The following ABHD14A variants were observed in gnomAD, a reference collection of about 807,000 sequenced individuals.
ABHD14A encodes abhydrolase domain containing 14A, also known as protein ABHD14A.
In ABHD14A, 19 loss-of-function variants were observed where a neutral mutation model predicts 27.0. That is an observed-to-expected ratio of 0.70 (90% CI 0.49 to 1.03). ABHD14A has a LOEUF of 1.03. Ranked by LOEUF, ABHD14A falls within the 50% of genes least tolerant of loss-of-function variation. ABHD14A has a pLI of 0.00. For missense variants in ABHD14A, 311 were observed against 344.6 expected (o/e 0.90, Z 0.77); for synonymous variants, 148 against 158.8 (o/e 0.93, Z 0.51).
intron 1 of ABHD14A, among the ~76,000 whole-genome samples, chr3:51,977,578 C>T (rs768960975): frequency 6.6e-6 from 1 of 152,238 alleles, no homozygotes; most frequent in Non-Finnish European, 1.5e-5. Context: ...GTCATAAGCG[C>T]TTGATGAACG....
rs961862581 is a variant in ABHD14A, at chr3:51,981,130, A to T, written c.*112A>T. 3.3e-6 allele frequency: 4 copies of T among 1,213,936 alleles called. No individual in the cohort carries two copies. Among genetic ancestry groups the T allele is most frequent in the African/African-American group, 3.2e-5 (2 of 63,300 alleles). The allele number at this position is 1,213,936 out of a possible 1,614,324, so 75.2% of individuals were successfully genotyped here. On this transcript the variant is annotated 3_prime_UTR_variant, in exon 5 of 5. Coordinates refer to ENST00000273596, the MANE Select transcript of ABHD14A (RefSeq NM_015407.5). ...ATTGGAGGCCAGAGGCCAGGGTCAG[A>T]CCCAGCCAGGACTCCTCATTTCATC...
intron 2 of ABHD14A, 62 bp downstream of exon 2, chr3:51,978,144 C>A: frequency 1.3e-6 from 2 of 1,559,834 alleles, no homozygotes; most frequent in South Asian, 1.2e-5. Flanking sequence ...CTGTGTGGGA[C>A]CCCCATTATA....
intron 2 of ABHD14A, 70 bp from the exon 3 acceptor site, chr3:51,978,189 G>T: frequency 6.5e-7 from 1 of 1,527,792 alleles, no homozygotes; most frequent in South Asian, 1.2e-5. Context: ...GGCAATGGGA[G>T]AAGCCTAGGA....
rs1426324340 is a variant in ABHD14A at position 51,977,967 on chromosome 3, C to T, written c.166C>T (p.Pro56Ser). 2 of 1,614,008 alleles carry T rather than the reference C, an allele frequency of 1.2e-6. No homozygotes were observed. The highest frequency in any genetic ancestry group is 1.3e-5 in the African/African-American group (1 of 74,954). The change falls in exon 2 of 5, where the codon CCT (proline) becomes TCT (serine). Residue 56 changes from proline (P) to serine (S), a missense_variant. By Grantham distance (74) the Pro-to-Ser change is moderately conservative (BLOSUM62 -1). Transcript: ENST00000273596. ...ACTGTATGTGGGGCTGCCAGGCCCCCCTGAGCAGACTTCCTGCCTCTGGGG... is the reference window on the plus strand; with the variant it reads ...ACTGTATGTGGGGCTGCCAGGCCCCTCTGAGCAGACTTCCTGCCTCTGGGG... ...LLLYVGLPGP[P>S]EQTSCLWGDP...
chr3:51,978,178 G>A, intron 2 of ABHD14A, 81 bp from the exon 3 acceptor site: 2 of 1,531,684 alleles, frequency 1.3e-6, no homozygotes, highest in Non-Finnish European at 1.8e-6. Flanking sequence ...GGTCCTGGGA[G>A]GGCAATGGGA....
rs747390191 is a variant in ABHD14A at position 51,980,879 on chromosome 3, C to T, written c.677C>T (p.Ala226Val). 1.7e-5 allele frequency: 28 copies of T among 1,614,030 alleles called. No individual in the cohort carries two copies. The highest frequency in any genetic ancestry group is 1.6e-4 in the Middle Eastern group (1 of 6,084). Reference protein sequence around the residue: ...ILYGELDHILARESLRQLRHL... With the variant: ...ILYGELDHILVRESLRQLRHL... ...TATGGAGAGCTGGACCACATCCTGG[C>T]TCGAGAGTCACTGCGGCAGCTCCGC... The change falls in exon 5 of 5, where the codon GCT becomes GTT. Residue 226 changes from alanine (A) to valine (V), a missense_variant. By Grantham distance (64) the Ala-to-Val change is moderately conservative. Transcript: ENST00000273596.
chr3:51,978,891 C>T (rs1700849151), intron 3 of ABHD14A: 1 of 304,274 alleles, frequency 3.3e-6, no homozygotes, highest in Non-Finnish European at 7.1e-6. Context: ...TGCGCCCGGC[C>T]AAGCAGTGTA....
chr3:51,977,115 A>G (rs192337848), intron 1 of ABHD14A, among the ~76,000 whole-genome samples: 2 of 152,224 alleles, frequency 1.3e-5, no homozygotes, highest in Non-Finnish European at 2.9e-5. Context: ...TTCCTCTATT[A>G]CAAGACATTC....
chr3:51,975,545 A>G (rs2106808904), intron 1 of ABHD14A, among the ~76,000 whole-genome samples: 1 of 150,466 alleles, frequency 6.6e-6, no homozygotes, highest in Non-Finnish European at 1.5e-5. Context: ...TTTTAAGGGT[A>G]TGTGTCTACC....
chr3:51,975,664 G>A (rs538302400), intron 1 of ABHD14A, among the ~76,000 whole-genome samples: 42 of 152,168 alleles, frequency 2.8e-4, no homozygotes, highest in African/African-American at 9.9e-4. Context: ...GTGTATGACC[G>A]TGCTTGAGTA....
chr3:51,976,664 G>C lies in ABHD14A; in HGVS notation c.70-1207G>C, dbSNP rs2106811381. 1.3e-5 allele frequency among the ~76,000 whole-genome samples: 2 copies of C among 152,338 alleles called. 1 individual carries two copies. The highest frequency in any genetic ancestry group is 6.8e-3 in the Middle Eastern group (2 of 294). ...CACTCTAGCCTGGGCGACAGAGCAA[G>C]ACTCCGTCTCAGAAAAATAAAAATA... On this transcript the variant is annotated intron_variant, in intron 1 of 4. Transcript: ENST00000273596.
In ABHD14A at chr3:51,980,680, G is replaced by A. The variant is rs749390049; in HGVS notation, c.633+52G>A. ...CTGGCACCCTGTCTGTGGCTTGGGGGGGTTCAGGACTCAAGTCTTACTTGG... is the reference window on the plus strand; with the variant it reads ...CTGGCACCCTGTCTGTGGCTTGGGGAGGTTCAGGACTCAAGTCTTACTTGG... On this transcript the variant is annotated intron_variant, in intron 4 of 4. Transcript: ENST00000273596. 8.8e-6 allele frequency: 14 copies of A among 1,585,080 alleles called. No homozygotes were observed. The African/African-American group carries it at 1.2e-4, about 14-fold the overall frequency.
intron 1 of ABHD14A, among the ~76,000 whole-genome samples, chr3:51,975,529 G>A (rs1197042025): frequency 6.6e-6 from 1 of 151,808 alleles, no homozygotes; most frequent in Non-Finnish European, 1.5e-5. Context: ...TTCTGTGTGC[G>A]TGTGATTTTA....
chr3:51,979,905 G>T (rs1295779379), intron 3 of ABHD14A, among the ~76,000 whole-genome samples: 1 of 151,742 alleles, frequency 6.6e-6, no homozygotes, highest in Non-Finnish European at 1.5e-5. Flanking sequence ...CCCAACACTG[G>T]GTATTATTTA....
At chr3:51,975,299 G>A in intron 1 of ABHD14A, 95 bp downstream of exon 1, 1 of 1,152,242 alleles carries the variant, frequency 8.7e-7, no homozygotes, top group Non-Finnish European at 1.1e-6. Context: ...AGAGTCCCGC[G>A]GAAGAAGCAG....
chr3:51,976,652 G>T (rs565569365), intron 1 of ABHD14A, among the ~76,000 whole-genome samples: 1 of 152,368 alleles, frequency 6.6e-6, no homozygotes, highest in African/African-American at 2.4e-5. Context: ...TCTAGCCTGG[G>T]CGACAGAGCA....
At chr3:51,980,771 GA>G (rs1700894266) in intron 4 of ABHD14A, 64 bp from the exon 5 acceptor site, 1 of 1,581,440 alleles carries the variant, frequency 6.3e-7, no homozygotes, top group South Asian at 1.1e-5. Context: ...GGCTTCCTAG[GA>G]AGTGGCTTGG....
At chr3:51,978,155 C>T in intron 2 of ABHD14A, 73 bp downstream of exon 2, 1 of 1,541,228 alleles carries the variant, frequency 6.5e-7, no homozygotes, top group Non-Finnish European at 8.8e-7. Context: ...CCCCATTATA[C>T]TCAGGGTGCT....
intron 3 of ABHD14A, 51 bp downstream of exon 3, chr3:51,978,425 G>A: frequency 1.4e-6 from 2 of 1,434,830 alleles, no homozygotes; most frequent in Non-Finnish European, 1.9e-6. Context: ...TGGCTGGGAG[G>A]CAACTGGACC....
Sources: gnomAD v4.1 joint callset for allele counts (sites outside exome capture counted in the v4.1 genomes callset) on GRCh38, gnomAD v4.1.1 for gene constraint, MANE v1.5 for transcripts, NCBI Gene and HGNC (gene_info 2026-07-23, HGNC 2026-07-21) for gene names.